Variants in MAK observed in about 807,000 individuals in gnomAD.
The protein encoded by MAK is male germ cell associated kinase.
A neutral mutation model predicts 82.6 loss-of-function variants in MAK; 65 were observed. That is an observed-to-expected ratio of 0.79 (90% confidence interval 0.64 to 0.97). The LOEUF is 0.97. Among genes scored for constraint, MAK ranks in the 50% least tolerant of loss-of-function variants. The probability of loss-of-function intolerance (pLI) is 0.00; values close to 1 mark genes in which losing one functional copy is unlikely to be tolerated. For synonymous variants in MAK, 250 were observed against 274.2 expected, an observed-to-expected ratio of 0.91 and a Z score of 0.87; for missense variants, 703 against 780.2, an observed-to-expected ratio of 0.90 and a Z score of 1.18.
chr6:10,828,363 G>A lies in MAK; in HGVS notation c.101+2185C>T, dbSNP rs116453437. On this transcript the variant is annotated intron_variant, in intron 2 of 14. Transcript: ENST00000354489. ...GGAAAGGCCCAAGGAAGGAGCCTCTGTAAAAGGGAATTGAGGTGCCTCTTG... is the reference window on the plus strand; with the variant it reads ...GGAAAGGCCCAAGGAAGGAGCCTCTATAAAAGGGAATTGAGGTGCCTCTTG... 3.6e-3 allele frequency among the ~76,000 whole-genome samples: 546 copies of A among 152,268 alleles called. 7 individuals carry two copies. The highest frequency in any genetic ancestry group is 0.013 in the African/African-American group (530 of 41,560).
At chr6:10,801,135 C>A (rs1280487327) in intron 8 of MAK, among the ~76,000 whole-genome samples, 4 of 152,070 alleles carry the variant, frequency 2.6e-5, no homozygotes, top group Non-Finnish European at 5.9e-5. Context: ...CTCTCTAATT[C>A]CTTATTCTTG....
chr6:10,803,908 CAA>C lies in MAK; in HGVS notation c.492-19_492-18del. The C allele has an allele frequency of 6.2e-7, 1 of 1,611,728 alleles. No homozygotes were observed. Among genetic ancestry groups the C allele is most frequent in the South Asian group, 1.1e-5 (1 of 91,032 alleles). The stretch of plus-strand genomic sequence containing the variant: ...GCACGATACCTATGAAAATAGAGAA[CAA>C]AAGAGGTAATTTTGATTGCAATTTC... On this transcript the variant is annotated intron_variant, in intron 6 of 14. Transcript: ENST00000354489.
At chr6:10,799,655 G>C (rs1028658567) in intron 8 of MAK, among the ~76,000 whole-genome samples, 1 of 152,184 alleles carries the variant, frequency 6.6e-6, no homozygotes, top group Non-Finnish European at 1.5e-5. Context: ...AAACGGCTGG[G>C]CACAGTGGTT....
At chr6:10,804,646 C>T (rs1476248411) in intron 6 of MAK, among the ~76,000 whole-genome samples, 3 of 152,048 alleles carry the variant, frequency 2.0e-5, no homozygotes, top group Non-Finnish European at 4.4e-5. Flanking sequence ...CCCAGCCTAA[C>T]AATATTTTTA....
At chr6:10,795,593 A>G (rs1470401827) in intron 9 of MAK, among the ~76,000 whole-genome samples, 2 of 152,000 alleles carry the variant, frequency 1.3e-5, no homozygotes, top group Non-Finnish European at 2.9e-5. Context: ...AAATACAAAA[A>G]AATATCCAGG....
intron 6 of MAK, 135 bp downstream of exon 6, chr6:10,808,675 T>C (rs1352910604): frequency 1.1e-6 from 1 of 928,786 alleles, no homozygotes; most frequent in Non-Finnish European, 1.7e-6. Flanking sequence ...ATCCTTCGCT[T>C]TCTTTAAAGA....
Position 10,763,756 on chromosome 6 carries a change from C to A in MAK, c.*696G>T, listed in dbSNP as rs1772146490. On this transcript the variant is annotated 3_prime_UTR_variant, in exon 15 of 15. Coordinates refer to ENST00000354489, the MANE Select transcript of MAK (RefSeq NM_001242957.3). ...ATCCCAGCTACTCGGGAGGCTGAGG[C>A]AGGAGAATCACTTGAACCCAGGAGG... The A allele has an allele frequency of 6.6e-6, 1 of 151,002 alleles. No homozygotes were observed. The highest frequency in any genetic ancestry group is 2.4e-5 in the African/African-American group (1 of 40,994). The allele number at this position is 151,002 out of a possible 1,614,324, so 9.4% of individuals were successfully genotyped here. A position where few individuals can be genotyped will look rare whatever the true frequency, so the allele number is the denominator to read the frequency against.
intron 12 of MAK, among the ~76,000 whole-genome samples, chr6:10,774,972 C>CT (rs1386399067): frequency 2.6e-5 from 4 of 151,982 alleles, no homozygotes; most frequent in African/African-American, 4.8e-5. Flanking sequence ...GTGGGAAAAC[C>CT]TTTTTTTTAT....
At position 10,775,334 on chromosome 6, in the gene MAK, T is replaced by A. The variant is rs945583313; in HGVS notation, c.1591A>T (p.Asn531Tyr). Residue 531 changes from asparagine (N) to tyrosine (Y), a missense_variant, in exon 12 of 15, where the codon AAT (asparagine) becomes TAT (tyrosine). Transcript: ENST00000354489. ...TTTTGTATTCTTGCGTTACCTGCAT[T>A]GCTCCTTTTGAAAGCAAGTTCTGCC... ...VGAELAFKRS[N>Y]AEESIIKPIE... 2 of 1,613,490 alleles carry A rather than the reference T, an allele frequency of 1.2e-6. No individual in the cohort carries two copies. Among genetic ancestry groups the A allele is most frequent in the East Asian group, 4.5e-5 (2 of 44,850 alleles).
intron 6 of MAK, among the ~76,000 whole-genome samples, chr6:10,805,648 C>G (rs1776382214): frequency 6.6e-6 from 1 of 151,682 alleles, no homozygotes; most frequent in Non-Finnish European, 1.5e-5. Flanking sequence ...TTTAATTAGC[C>G]TATGGTCGAA....
rs148413134 is a variant in MAK at position 10,806,931 on chromosome 6, G to A, written c.491+1879C>T. Among the ~76,000 whole-genome samples, 1,234 of 152,156 alleles carry A rather than the reference G, an allele frequency of 8.1e-3. 15 individuals are homozygous for A. Among genetic ancestry groups the A allele is most frequent in the African/African-American group, 0.027 (1,112 of 41,514 alleles). On this transcript the variant is annotated intron_variant, in intron 6 of 14. Transcript: ENST00000354489. ...TTCTTTACCAACTTCCCAGCCGCAG[G>A]TGTTCCTTTACAGCAACACAAAAAA...
chr6:10,796,348 T>C (rs779760358), intron 8 of MAK, 39 bp from the exon 9 acceptor site: 1 of 1,521,468 alleles, frequency 6.6e-7, no homozygotes, highest in Non-Finnish European at 9.1e-7. Flanking sequence ...GGAAAACAGT[T>C]CCACCTAAAT....
At chr6:10,784,662 T>TCGCCCACCCTCTGCACATCC (rs374889861) in intron 10 of MAK, 90 bp from the exon 11 acceptor site, 3 of 1,180,320 alleles carry the variant, frequency 2.5e-6, no homozygotes, top group Admixed American at 3.5e-5. Context: ...TCTGCACATC[T>TCGCCCACCCTCTGCACATCC]TCCTAAGCCA....
intron 1 of MAK, 31 bp from the exon 2 acceptor site, chr6:10,830,908 T>C: frequency 4.5e-6 from 2 of 443,160 alleles, no homozygotes; most frequent in Non-Finnish European, 8.3e-6. Flanking sequence ...TATCATGAAT[T>C]TTCATTAACA....
At chr6:10,774,605 TA>T (rs879682972) in intron 12 of MAK, among the ~76,000 whole-genome samples, 25 of 151,810 alleles carry the variant, frequency 1.6e-4, no homozygotes, top group East Asian at 1.5e-3. Context: ...ACTGATCTCA[TA>T]AAAAAAAATT....
intron 2 of MAK, among the ~76,000 whole-genome samples, chr6:10,823,375 C>T (rs182195248): frequency 2.7e-4 from 41 of 152,294 alleles, no homozygotes; most frequent in African/African-American, 8.9e-4. Context: ...TCCCAGCCCC[C>T]GACACCGGCT....
intron 6 of MAK, among the ~76,000 whole-genome samples, chr6:10,807,032 C>T (rs1429997356): frequency 1.3e-5 from 2 of 152,284 alleles, no homozygotes; most frequent in South Asian, 2.1e-4. Flanking sequence ...TCACTACCTG[C>T]ATGGCCAGCA....
intron 2 of MAK, among the ~76,000 whole-genome samples, chr6:10,828,746 G>A (rs1778559668): frequency 6.6e-6 from 1 of 152,066 alleles, no homozygotes; most frequent in Non-Finnish European, 1.5e-5. Context: ...AGTGAGCTAT[G>A]TTTGTACCAC....
At chr6:10,782,577 A>ATTTT (rs70991043) in intron 11 of MAK, among the ~76,000 whole-genome samples, 2 of 116,590 alleles carry the variant, frequency 1.7e-5, no homozygotes, top group African/African-American at 3.3e-5. Context: ...TCCCAACTGG[A>ATTTT]TTTTTTTTTT....
Sources: allele counts gnomAD v4.1 joint callset (sites outside exome capture counted in the v4.1 genomes callset), GRCh38; gene constraint gnomAD v4.1.1; transcripts MANE v1.5; gene names NCBI Gene and HGNC (gene_info 2026-07-23, HGNC 2026-07-21).